Variants in TRPM6 observed in about 807,000 individuals in gnomAD.
TRPM6 encodes the protein channel kinase 2.
Under a neutral mutation model 247.6 loss-of-function variants are expected in TRPM6, and 111 were observed. The ratio of observed to expected loss-of-function variants is 0.45; its 90% CI spans 0.38 to 0.52. The LOEUF is 0.52. TRPM6 is among the 20% of genes least tolerant of loss of function. The pLI, the probability that TRPM6 is intolerant of heterozygous loss-of-function variation, is 0.00. For missense variants in TRPM6, 2,126 were observed against 2,421.5 expected, an observed-to-expected ratio of 0.88 and a Z score of 2.56; for synonymous variants, 892 against 853.8, an observed-to-expected ratio of 1.04 and a Z score of -0.78.
At chr9:74,736,732 G>A (rs1275891463) in intron 36 of TRPM6, among the ~76,000 whole-genome samples, 3 of 152,172 alleles carry the variant, frequency 2.0e-5, no homozygotes, top group Admixed American at 6.5e-5. Context: ...TATTTGGAGC[G>A]GCCTATTTCT....
chr9:74,840,969 C>T (rs1201428109), intron 4 of TRPM6, among the ~76,000 whole-genome samples: 1 of 151,998 alleles, frequency 6.6e-6, no homozygotes, highest in Non-Finnish European at 1.5e-5. Context: ...TTCATAAATG[C>T]TATGGCTTTC....
At position 74,782,414 on chromosome 9, in the gene TRPM6, A is replaced by C; in HGVS notation, c.3157T>G (p.Tyr1053Asp). 1 of 1,614,166 alleles carries C rather than the reference A, an allele frequency of 6.2e-7. No individual in the cohort carries two copies. Among genetic ancestry groups the C allele is most frequent in the Non-Finnish European group, 8.5e-7 (1 of 1,180,024 alleles). The change falls in exon 23 of 39, where the codon TAC (tyrosine) becomes GAC (aspartate). Residue 1053 changes from tyrosine (Y) to aspartate (D), a missense_variant. Physicochemically the swap from Tyr to Asp is radical, Grantham distance 160 (BLOSUM62 -3). Around this residue, in one of 3 missense-constraint regions of TRPM6, gnomAD observed 1,082 missense variants for 1,307.9 expected, o/e 0.83. Coordinates refer to ENST00000360774, the MANE Select transcript of TRPM6 (RefSeq NM_017662.5). ...SFLTPFLQAVYLFVQYIIMVN... is the reference protein window; with the variant it reads ...SFLTPFLQAVDLFVQYIIMVN... ...ATGATGATATATTGCACGAAGAGGT[A>C]GACAGCTTGCAAGAATGGAGTAAGA... is the stretch of plus-strand genomic sequence containing the variant.
chr9:74,783,334 A>C (rs1827529268), intron 21 of TRPM6, among the ~76,000 whole-genome samples: 1 of 152,216 alleles, frequency 6.6e-6, no homozygotes, highest in Non-Finnish European at 1.5e-5. Context: ...CCATTAGTTT[A>C]CTGTAACAGA....
In TRPM6 at chr9:74,763,111, A is replaced by C; in HGVS notation, c.3560T>G (p.Leu1187Arg). Reference sequence around the variant, plus strand: ...AGACACCTTTTCATTCATTTCTTTCAGCTGGAAGTACATCTCTGTAACCCT... The same window carrying C: ...AGACACCTTTTCATTCATTTCTTTCCGCTGGAAGTACATCTCTGTAACCCT... Reference protein sequence around the residue: ...SERVTEMYFQLKEMNEKVSFI... With the variant: ...SERVTEMYFQRKEMNEKVSFI... The change falls in exon 26 of 39, where the codon CTG (leucine) becomes CGG (arginine). Residue 1187 changes from leucine to arginine, a missense_variant. This residue lies in a region of TRPM6 where 717 missense variants were observed against 715.9 expected (regional missense o/e 1.00). Transcript: ENST00000360774. The C allele has an allele frequency of 6.2e-7, 1 of 1,612,234 alleles. No homozygotes were observed. Among genetic ancestry groups the C allele is most frequent in the Non-Finnish European group, 8.5e-7 (1 of 1,179,984 alleles).
Position 74,762,414 on chromosome 9 carries a change from C to A in TRPM6, c.4257G>T (p.Lys1419Asn), listed in dbSNP as rs1165036285. ...PIAHLLDGQD[K>N]AEQVLPTLSC... ...TCAAAGTGGGTAGCACTTGCTCTGC[C>A]TTGTCTTGTCCATCCAGTAAGTGAG... Residue 1419 changes from lysine (K) to asparagine (N), a missense_variant, in exon 26 of 39, where the codon AAG becomes AAT. Lys to Asn is a moderately conservative substitution (Grantham distance 94). Coordinates refer to ENST00000360774, the MANE Select transcript of TRPM6 (RefSeq NM_017662.5). 1 of 1,614,226 alleles carries A rather than the reference C, an allele frequency of 6.2e-7. No individual in the cohort carries two copies. The highest frequency in any genetic ancestry group is 2.2e-5 in the East Asian group (1 of 44,888).
intron 6 of TRPM6, among the ~76,000 whole-genome samples, chr9:74,830,072 A>G (rs917326845): frequency 1.3e-5 from 2 of 152,188 alleles, no homozygotes; most frequent in African/African-American, 4.8e-5. Context: ...TCAAGACTGC[A>G]GTGAGCTATG....
intron 3 of TRPM6, among the ~76,000 whole-genome samples, chr9:74,844,116 C>T (rs765689151): frequency 3.9e-5 from 6 of 152,150 alleles, no homozygotes; most frequent in Non-Finnish European, 8.8e-5. Context: ...AAGTGGAGTA[C>T]ATTTAGCATA....
chr9:74,803,688 A>C, intron 15 of TRPM6, 106 bp downstream of exon 15: 1 of 841,310 alleles, frequency 1.2e-6, no homozygotes, highest in South Asian at 1.3e-5. Context: ...TGGCACTTAT[A>C]AATGGTCCCT....
At position 74,855,527 on chromosome 9, in the gene TRPM6, C is replaced by T. The variant is rs764012329; in HGVS notation, c.152G>A (p.Arg51Lys). ...PVCQVCQNLI[R>K]CYCGRLIGDH... ...GGAATCTTGCTTATCTAAGTCTTACCTGATTAAATTCTGGCAGACTTGGCA... is the reference window on the plus strand; with the variant it reads ...GGAATCTTGCTTATCTAAGTCTTACTTGATTAAATTCTGGCAGACTTGGCA... Residue 51 changes from arginine (R) to lysine (K), a missense_variant and splice_region_variant, in exon 3 of 39, where the codon AGG (arginine) becomes AAG (lysine). Transcript: ENST00000360774. 2.5e-6 allele frequency: 4 copies of T among 1,605,798 alleles called. No individual in the cohort carries two copies. Among genetic ancestry groups the T allele is most frequent in the Non-Finnish European group, 3.4e-6 (4 of 1,172,718 alleles).
chr9:74,846,294 C>T (rs188023936), intron 3 of TRPM6, among the ~76,000 whole-genome samples: 1 of 151,920 alleles, frequency 6.6e-6, no homozygotes, highest in Non-Finnish European at 1.5e-5. Flanking sequence ...TTGTTTGCTT[C>T]TTTTTTTTCC....
At chr9:74,776,125 A>G in intron 23 of TRPM6, 49 bp from the exon 24 acceptor site, 1 of 1,510,992 alleles carries the variant, frequency 6.6e-7, no homozygotes, top group Non-Finnish European at 9.2e-7. Flanking sequence ...GAAGTCTTGA[A>G]AGGTAACAGA....
At chr9:74,834,345 G>C (rs1407720432) in intron 5 of TRPM6, among the ~76,000 whole-genome samples, 3 of 152,012 alleles carry the variant, frequency 2.0e-5, no homozygotes, top group Admixed American at 2.0e-4. Flanking sequence ...ATGTTCCTCT[G>C]AGCCCTTTGG....
At chr9:74,810,967 A>T in intron 12 of TRPM6, 99 bp from the exon 13 acceptor site, 1 of 929,946 alleles carries the variant, frequency 1.1e-6, no homozygotes, top group Non-Finnish European at 1.7e-6. Context: ...GAGAATACTG[A>T]AAATTGTGTT....
chr9:74,831,837 C>T (rs1241957901), intron 6 of TRPM6, among the ~76,000 whole-genome samples: 2 of 152,158 alleles, frequency 1.3e-5, no homozygotes, highest in South Asian at 2.1e-4. Flanking sequence ...TTATTCAGCC[C>T]TTCCTATACA....
intron 7 of TRPM6, among the ~76,000 whole-genome samples, chr9:74,823,872 CATT>C (rs1426972368): frequency 6.6e-6 from 1 of 151,928 alleles, no homozygotes; most frequent in Admixed American, 6.6e-5. Context: ...ACAAAAGAAG[CATT>C]ATGAAATCAC....
At chr9:74,725,559 C>G (rs1825289773) in intron 38 of TRPM6, among the ~76,000 whole-genome samples, 1 of 152,114 alleles carries the variant, frequency 6.6e-6, no homozygotes, top group South Asian at 2.1e-4. Context: ...TGGGAGGTGA[C>G]TGAATTATGG....
chr9:74,837,802 T>A (rs1829782111), intron 5 of TRPM6, among the ~76,000 whole-genome samples: 1 of 146,186 alleles, frequency 6.8e-6, no homozygotes, highest in Admixed American at 7.0e-5. Context: ...CCAGGCTGGG[T>A]AGAGTGACAT....
rs1829637222 is a variant in TRPM6 at position 74,834,113 on chromosome 9, T to C, written c.554A>G (p.Lys185Arg). Residue 185 changes from lysine (K) to arginine (R), a missense_variant, in exon 6 of 39, where the codon AAG (lysine) becomes AGG (arginine). Around this residue, in one of 3 missense-constraint regions of TRPM6, gnomAD observed 1,082 missense variants for 1,307.9 expected, o/e 0.83. Transcript: ENST00000360774. ...GGATTTCAAGGCATCCCCAACATGCTTGGACACTCCTATGAACAACCAGTT... is the reference window on the plus strand; with the variant it reads ...GGATTTCAAGGCATCCCCAACATGCCTGGACACTCCTATGAACAACCAGTT... The part of the protein sequence containing the change: ...ITEGINTGVS[K>R]HVGDALKSHS... 2 of 1,613,954 alleles carry C rather than the reference T, an allele frequency of 1.2e-6. No homozygotes were observed. Among genetic ancestry groups the C allele is most frequent in the Non-Finnish European group, 1.7e-6 (2 of 1,179,958 alleles).
At chr9:74,774,298 A>G (rs1326361962) in intron 24 of TRPM6, among the ~76,000 whole-genome samples, 1 of 152,182 alleles carries the variant, frequency 6.6e-6, no homozygotes, top group Non-Finnish European at 1.5e-5. Context: ...AGTCAATTCC[A>G]GGATTTATCA....
Sources: allele counts gnomAD v4.1 joint callset (sites outside exome capture counted in the v4.1 genomes callset), GRCh38; gene constraint gnomAD v4.1.1; regional missense constraint gnomAD v4.1.1; transcripts MANE v1.5; gene names NCBI Gene and HGNC (gene_info 2026-07-23, HGNC 2026-07-21).